The following PKHD1 variants were observed in gnomAD, a reference collection of about 807,000 sequenced individuals.
PKHD1 encodes the protein PKHD1 ciliary IPT domain containing fibrocystin/polyductin.
PKHD1 carries 291 observed loss-of-function variants against 412.0 expected under a neutral mutation model. The ratio of observed to expected loss-of-function variants is 0.71; its 90% confidence interval spans 0.64 to 0.78. PKHD1 has a LOEUF of 0.78. Ranked by LOEUF, PKHD1 falls within the 30% of genes least tolerant of loss-of-function variation. The probability of loss-of-function intolerance (pLI) is 0.00; values close to 1 mark genes in which losing one functional copy is unlikely to be tolerated. For synonymous variants in PKHD1, 1,777 were observed against 1,821.5 expected, an observed-to-expected ratio of 0.98 and a Z score of 0.62; for missense variants, 4,825 against 4,950.7, an observed-to-expected ratio of 0.97 and a Z score of 0.76.
chr6:52,076,396 C>A (rs1047582601), intron 5 of PKHD1, 63 bp from the exon 6 acceptor site: 2 of 1,203,178 alleles, frequency 1.7e-6, no homozygotes, highest in African/African-American at 1.5e-5. Context: ...ACAGGAGGCA[C>A]AAGCCTTTCC....
intron 32 of PKHD1, among the ~76,000 whole-genome samples, chr6:52,023,593 T>C (rs529287572): frequency 9.2e-5 from 14 of 152,322 alleles, no homozygotes; most frequent in Non-Finnish European, 1.9e-4. Context: ...GGGACATTTG[T>C]ATGAGTAAAA....
chr6:51,702,003 T>C (rs1779458956), intron 60 of PKHD1, among the ~76,000 whole-genome samples: 1 of 150,994 alleles, frequency 6.6e-6, no homozygotes, highest in Admixed American at 6.6e-5. Flanking sequence ...TATGTTTTAT[T>C]TTATAAGACC....
chr6:51,906,780 C>A (rs1321521), intron 40 of PKHD1, among the ~76,000 whole-genome samples: 57,081 of 151,936 alleles, frequency 0.38, 11,557 homozygotes, highest in East Asian at 0.75. Flanking sequence ...CAATAATATT[C>A]TTGGCCCAAG....
In PKHD1 at chr6:52,017,623, AAGG is replaced by A; in HGVS notation, c.5384_5386del (p.Ser1795del). 1.2e-6 allele frequency: 2 copies of A among 1,612,842 alleles called. No individual in the cohort carries two copies. Among genetic ancestry groups the A allele is most frequent in the Non-Finnish European group, 1.7e-6 (2 of 1,179,350 alleles). ...ACGCTTCAGGCCACACAGGAAGGCC[AAGG>A]ACACTGCAGGAAACAGTCACCATTA... On this transcript the variant is annotated inframe_deletion, in exon 34 of 67. Coordinates refer to ENST00000371117, the MANE Select transcript of PKHD1 (RefSeq NM_138694.4).
chr6:51,990,295 C>G (rs1263339732), intron 35 of PKHD1, among the ~76,000 whole-genome samples: 1 of 152,092 alleles, frequency 6.6e-6, no homozygotes, highest in Non-Finnish European at 1.5e-5. Context: ...CTTTACATAG[C>G]CTGTGGTTAC....
At chr6:51,627,914 A>G (rs534016517) in intron 65 of PKHD1, among the ~76,000 whole-genome samples, 20 of 152,284 alleles carry the variant, frequency 1.3e-4, no homozygotes, top group African/African-American at 4.8e-4. Context: ...CTCTGGGAAT[A>G]ATACAGTGAG....
chr6:51,790,915 G>C (rs1249194596), intron 53 of PKHD1, among the ~76,000 whole-genome samples: 1 of 152,150 alleles, frequency 6.6e-6, no homozygotes, highest in African/African-American at 2.4e-5. Flanking sequence ...GCGAGTTAAA[G>C]GCATATTCTG....
chr6:51,714,700 T>C, intron 60 of PKHD1, among the ~76,000 whole-genome samples: 1 of 152,160 alleles, frequency 6.6e-6, no homozygotes, highest in East Asian at 1.9e-4. Context: ...AGAACCAATA[T>C]AGAACGTTCC....
Position 51,930,157 on chromosome 6 carries a change from GAC to G in PKHD1, c.6121+3951_6121+3952del, listed in dbSNP as rs542332054. On this transcript the variant is annotated intron_variant, in intron 37 of 66. Transcript: ENST00000371117. ...TTGGAGTGGTGAACCTGGATTGGCA[GAC>G]AGAGTGATGAAAGCAAAAGGCAAGA... Among the ~76,000 whole-genome samples the G allele has an allele frequency of 9.8e-5, 15 of 152,314 alleles. No homozygotes were observed. The East Asian group carries it at 2.9e-3, about 29-fold the overall frequency.
intron 60 of PKHD1, among the ~76,000 whole-genome samples, chr6:51,664,244 C>T (rs1209737022): frequency 6.6e-6 from 1 of 152,110 alleles, no homozygotes; most frequent in African/African-American, 2.4e-5. Flanking sequence ...CAAAGTTCCC[C>T]ATTCCACTAT....
chr6:51,639,117 C>T (rs1481195445), intron 63 of PKHD1, among the ~76,000 whole-genome samples, 161 bp from the exon 64 acceptor site: 2 of 152,240 alleles, frequency 1.3e-5, no homozygotes, highest in Non-Finnish European at 2.9e-5. Context: ...AGACTTAGAA[C>T]CAAATGACCC....
intron 60 of PKHD1, among the ~76,000 whole-genome samples, chr6:51,705,208 T>C (rs1225289216): frequency 6.6e-6 from 1 of 150,606 alleles, no homozygotes; most frequent in Non-Finnish European, 1.5e-5. Context: ...ACCAGGAGAG[T>C]GCACTGCCTT....
intron 52 of PKHD1, among the ~76,000 whole-genome samples, chr6:51,803,481 A>C (rs554773896): frequency 6.6e-6 from 1 of 150,498 alleles, no homozygotes; most frequent in East Asian, 1.9e-4. Context: ...CTTGGTAAAC[A>C]TACTGAAATC....
intron 53 of PKHD1, among the ~76,000 whole-genome samples, chr6:51,779,632 TA>T (rs1791646558): frequency 1.3e-5 from 2 of 152,062 alleles, no homozygotes; most frequent in Admixed American, 1.3e-4. Flanking sequence ...AAATACCCCC[TA>T]GTAATAAAAG....
At chr6:51,936,236 AAC>A (rs762511786) in intron 36 of PKHD1, among the ~76,000 whole-genome samples, 9 of 152,092 alleles carry the variant, frequency 5.9e-5, no homozygotes, top group Non-Finnish European at 1.2e-4. Flanking sequence ...CTTATATACA[AAC>A]ACACACACAC....
intron 35 of PKHD1, among the ~76,000 whole-genome samples, chr6:52,007,683 T>C (rs998649780): frequency 3.3e-5 from 5 of 152,236 alleles, no homozygotes; most frequent in Admixed American, 6.5e-5. Context: ...CACTTAGTTA[T>C]AAGCCCTCCA....
intron 53 of PKHD1, among the ~76,000 whole-genome samples, chr6:51,790,099 C>T (rs74898448): frequency 6.6e-6 from 1 of 152,112 alleles, no homozygotes; most frequent in Non-Finnish European, 1.5e-5. Flanking sequence ...TTTCTCCCAA[C>T]TGAGATTCTA....
chr6:51,736,660 T>C (rs765323620), intron 60 of PKHD1, among the ~76,000 whole-genome samples: 16 of 152,298 alleles, frequency 1.1e-4, no homozygotes, highest in Non-Finnish European at 1.6e-4. Flanking sequence ...GAAAAGAGAA[T>C]GGTATTTTCC....
At chr6:51,663,945 G>A (rs889424768) in intron 60 of PKHD1, among the ~76,000 whole-genome samples, 1 of 151,974 alleles carries the variant, frequency 6.6e-6, no homozygotes, top group Non-Finnish European at 1.5e-5. Flanking sequence ...AAAGCATTTT[G>A]GGAACAATTC....
Sources: gnomAD v4.1 joint callset for allele counts (sites outside exome capture counted in the v4.1 genomes callset) on GRCh38, gnomAD v4.1.1 for gene constraint, MANE v1.5 for transcripts, NCBI Gene and HGNC (gene_info 2026-07-23, HGNC 2026-07-21) for gene names.